GPATCH1: variants seen among roughly 807,000 people sequenced by gnomAD.
GPATCH1 encodes G patch domain-containing protein 1.
GPATCH1 carries 73 observed loss-of-function variants against 114.9 expected under a neutral mutation model. The observed-to-expected ratio is 0.64, with a 90% CI of 0.53 to 0.77. The LOEUF (loss-of-function observed/expected upper bound fraction) is 0.77, where lower values mean the gene tolerates loss of function less well. GPATCH1 is among the 30% of genes least tolerant of loss of function. The pLI is 0.00. For missense variants in GPATCH1, 1,058 were observed against 1,144.3 expected, an observed-to-expected ratio of 0.92 and a Z score of 1.09; for synonymous variants, 391 against 428.4, an observed-to-expected ratio of 0.91 and a Z score of 1.08.
At chr19:33,093,659 T>A in intron 4 of GPATCH1, 140 bp downstream of exon 4, 1 of 781,384 alleles carries the variant, frequency 1.3e-6, no homozygotes. Context: ...GGGTTTTGCG[T>A]AAAGGATCTT....
Position 33,114,547 on chromosome 19 carries a change from C to T in GPATCH1, c.2196+128C>T, listed in dbSNP as rs572308371. The T allele has an allele frequency of 2.0e-5, 14 of 713,102 alleles. No homozygotes were observed. The East Asian group carries it at 3.1e-4, about 16-fold the overall frequency. The allele number at this position is 713,102 out of a possible 1,614,324, so 44.2% of individuals were successfully genotyped here. On this transcript the variant is annotated intron_variant, in intron 15 of 19. Coordinates refer to ENST00000170564, the MANE Select transcript of GPATCH1 (RefSeq NM_018025.3). ...TATTGATCCATTTCCCCTTAAAGGC[C>T]ATTTGGCTTGTTTCTAACTTTTGGC...
chr19:33,111,932 G>A (rs1351541380), intron 12 of GPATCH1, 30 bp downstream of exon 12: 2 of 1,557,676 alleles, frequency 1.3e-6, no homozygotes, highest in Non-Finnish European at 1.8e-6. Flanking sequence ...CTTACCTGGT[G>A]AACTTTAATA....
chr19:33,119,814 G>T (rs892836123), intron 17 of GPATCH1, among the ~76,000 whole-genome samples: 3 of 151,072 alleles, frequency 2.0e-5, no homozygotes, highest in Non-Finnish European at 4.4e-5. Context: ...GAGGTCAGGA[G>T]TTTGAGACCA....
At chr19:33,125,880 G>T (rs142533234) in intron 18 of GPATCH1, among the ~76,000 whole-genome samples, 110 of 152,296 alleles carry the variant, frequency 7.2e-4, no homozygotes, top group African/African-American at 2.4e-3. Context: ...TGAAGTAAAA[G>T]AATTCGAATG....
chr19:33,115,396 A>G lies in GPATCH1; in HGVS notation c.2196+977A>G, dbSNP rs547992809. ...CAGTTGACCCTTTTAACATTATGTA[A>G]TATCATCTTTATCCCTGGTAATTTT... On this transcript the variant is annotated intron_variant, in intron 15 of 19. Transcript: ENST00000170564. 6.6e-5 allele frequency among the ~76,000 whole-genome samples: 10 copies of G among 151,162 alleles called. No homozygotes were observed. In the South Asian group the frequency reaches 1.7e-3, roughly 25 times the overall value.
intron 3 of GPATCH1, among the ~76,000 whole-genome samples, chr19:33,092,447 A>G (rs1443677802): frequency 6.6e-6 from 1 of 152,166 alleles, no homozygotes; most frequent in Non-Finnish European, 1.5e-5. Context: ...GCCCATTCCT[A>G]ACGCAGTCCC....
chr19:33,098,012 C>G, intron 8 of GPATCH1, 110 bp downstream of exon 8: 1 of 1,028,168 alleles, frequency 9.7e-7, no homozygotes, highest in Non-Finnish European at 1.5e-6. Flanking sequence ...GTCAAAGTCA[C>G]GGTAAGAAAC....
intron 1 of GPATCH1, among the ~76,000 whole-genome samples, chr19:33,085,121 G>T (rs1001852452): frequency 1.3e-5 from 2 of 152,160 alleles, no homozygotes; most frequent in South Asian, 4.1e-4. Context: ...TCTCTGCTGG[G>T]CTCGGAGTGT....
intron 3 of GPATCH1, among the ~76,000 whole-genome samples, chr19:33,092,859 G>A (rs1972611892): frequency 6.6e-6 from 1 of 152,214 alleles, no homozygotes; most frequent in Admixed American, 6.5e-5. Context: ...CCTGCCCTTG[G>A]CCACTGGCTT....
At chr19:33,124,716 G>C (rs1370954255) in intron 17 of GPATCH1, among the ~76,000 whole-genome samples, 1 of 152,178 alleles carries the variant, frequency 6.6e-6, no homozygotes, top group Non-Finnish European at 1.5e-5. Flanking sequence ...GTTAGGCGAC[G>C]TGTCGAAGAT....
chr19:33,120,337 A>G (rs1972969014), intron 17 of GPATCH1, among the ~76,000 whole-genome samples: 1 of 145,756 alleles, frequency 6.9e-6, no homozygotes, highest in African/African-American at 2.5e-5. Flanking sequence ...ATAAAATTAT[A>G]TATAAAATTA....
chr19:33,083,126 CCCA>C (rs1972497361), intron 1 of GPATCH1, among the ~76,000 whole-genome samples: 2 of 150,828 alleles, frequency 1.3e-5, no homozygotes, highest in Non-Finnish European at 3.0e-5. Context: ...CTCATGTAGT[CCCA>C]GCTACTCGGG....
At chr19:33,126,285 C>T (rs1568352208) in intron 18 of GPATCH1, among the ~76,000 whole-genome samples, 1 of 152,202 alleles carries the variant, frequency 6.6e-6, no homozygotes, top group Non-Finnish European at 1.5e-5. Flanking sequence ...CACAGGTCAC[C>T]ATGCATAAGA....
intron 15 of GPATCH1, 30 bp downstream of exon 15, chr19:33,114,449 A>G: frequency 1.3e-6 from 2 of 1,541,920 alleles, no homozygotes; most frequent in Non-Finnish European, 8.8e-7. Context: ...TCTCTTTGCC[A>G]CGCTGAGTGT....
rs1232450415 is a variant in GPATCH1 at position 33,117,731 on chromosome 19, CATAAAT to C, written c.2197-91_2197-86del. ...GGATACCCATGTACATGAGCATAAA[CATAAAT>C]ATGTGTGTCTGGGAGTGTATTCTAG... On this transcript the variant is annotated intron_variant, in intron 15 of 19. Coordinates refer to ENST00000170564, the MANE Select transcript of GPATCH1 (RefSeq NM_018025.3). 4 of 856,166 alleles carry C rather than the reference CATAAAT, an allele frequency of 4.7e-6. No individual in the cohort carries two copies. The African/African-American group carries it at 5.0e-5, about 11-fold the overall frequency. 53.0% of individuals were successfully genotyped at this position (856,166 alleles called of 1,614,324 possible).
rs188639264 is a variant in GPATCH1 at position 33,106,697 on chromosome 19, C to A, written c.1083C>A (p.Ile361=). 6.2e-7 allele frequency: 1 copy of A among 1,612,046 alleles called. No homozygotes were observed. The highest frequency in any genetic ancestry group is 1.3e-5 in the African/African-American group (1 of 74,974). The change falls in exon 10 of 20, where the codon ATC becomes ATA. Residue 361 remains isoleucine (I), a splice_region_variant and synonymous_variant. Transcript: ENST00000170564. ...LASKPLSSKK[I]YPPPELPRDY... is the part of the protein sequence containing the mutation. ...GGGTTTTGTCTTGGTTTGTTAAGAT[C>A]TATCCACCTCCAGAGCTGCCAAGAG...
chr19:33,124,697 G>A (rs994489894), intron 17 of GPATCH1, among the ~76,000 whole-genome samples: 4 of 152,172 alleles, frequency 2.6e-5, no homozygotes, highest in Admixed American at 1.3e-4. Context: ...GAAACTGGGC[G>A]TGGGAGAGGT....
intron 19 of GPATCH1, among the ~76,000 whole-genome samples, chr19:33,129,121 C>T (rs927951934): frequency 1.3e-5 from 2 of 152,034 alleles, no homozygotes; most frequent in Non-Finnish European, 2.9e-5. Context: ...GTGGCACGTG[C>T]CTGTAGTCCC....
rs748872940 is a variant in GPATCH1, at chr19:33,093,511, G to A, written c.447G>A (p.Thr149=). 18 of 1,610,358 alleles carry A rather than the reference G, an allele frequency of 1.1e-5. No individual in the cohort carries two copies. The highest frequency in any genetic ancestry group is 2.7e-5 in the African/African-American group (2 of 74,696). The change falls in exon 4 of 20, where the codon ACG becomes ACA. Residue 149 remains threonine, a synonymous_variant. Transcript: ENST00000170564. ...CCACCCTCCTTGATGACCTCATAAC[G>A]CCAGCAAAGTGAGCATTTCCTTCTG... ...PGATLLDDLI[T]PAKLSVGFEL...
Sources: allele counts gnomAD v4.1 joint callset (sites outside exome capture counted in the v4.1 genomes callset), GRCh38; gene constraint gnomAD v4.1.1; transcripts MANE v1.5; gene names NCBI Gene and HGNC (gene_info 2026-07-23, HGNC 2026-07-21).